Variants in NTM observed in about 807,000 individuals in gnomAD.
NTM encodes the protein neurotrimin, also known as IgLON family member 2.
NTM carries 13 observed loss-of-function variants against 42.1 expected under a neutral mutation model. That is an observed-to-expected ratio of 0.31 (90% CI 0.20 to 0.49). The LOEUF is 0.49. NTM is among the 20% of genes least tolerant of loss of function. The probability of loss-of-function intolerance (pLI) is 0.99; values close to 1 mark genes in which losing one functional copy is unlikely to be tolerated. For synonymous variants in NTM, 187 were observed against 179.2 expected (o/e 1.04, Z -0.35); for missense variants, 373 against 452.8 (o/e 0.82, Z 1.60).
chr11:132,066,003 G>A (rs2056424556), intron 2 of NTM, among the ~76,000 whole-genome samples: 1 of 152,112 alleles, frequency 6.6e-6, no homozygotes, highest in Admixed American at 6.6e-5. Flanking sequence ...GGGTTGTGGG[G>A]AGTGTAGACT....
chr11:132,285,392 C>A (rs1011667303), intron 4 of NTM, among the ~76,000 whole-genome samples: 4 of 152,136 alleles, frequency 2.6e-5, no homozygotes, highest in Non-Finnish European at 5.9e-5. Context: ...TCATGCACAT[C>A]TTGAAGAAGG....
At chr11:131,427,962 C>A (rs1376911345) in intron 1 of NTM, among the ~76,000 whole-genome samples, 1 of 152,114 alleles carries the variant, frequency 6.6e-6, no homozygotes, top group Non-Finnish European at 1.5e-5. Context: ...TTTTACATGT[C>A]GACATACCAT....
At chr11:131,645,805 C>T (rs2134275327) in intron 1 of NTM, among the ~76,000 whole-genome samples, 1 of 152,238 alleles carries the variant, frequency 6.6e-6, no homozygotes, top group African/African-American at 2.4e-5. Context: ...GGTCTGTGGA[C>T]ATGGGGTTAT....
In NTM at chr11:132,107,543, T is replaced by A. The variant is rs182753787; in HGVS notation, c.168-38739T>A. 4.4e-3 allele frequency among the ~76,000 whole-genome samples: 519 copies of A among 116,742 alleles called. 2 individuals are homozygous for A. The highest frequency in any genetic ancestry group is 0.011 in the African/African-American group (407 of 37,424). The allele number at this position is 116,742 out of a possible 152,430, so 76.6% of individuals were successfully genotyped here. On this transcript the variant is annotated intron_variant, in intron 2 of 8. Transcript: ENST00000683400. ...TTTTTTTTTCCTTTATTTAAAAAAA[T>A]TTTTTTTGTAAAGACAGTGTTTCAC...
chr11:131,741,197 G>GAGAGAGAT (rs1339541451), intron 1 of NTM, among the ~76,000 whole-genome samples: 6 of 130,820 alleles, frequency 4.6e-5, no homozygotes, highest in Non-Finnish European at 1.0e-4. Context: ...GAGAGAGAGA[G>GAGAGAGAT]AGAGAGAGAG....
chr11:131,960,497 A>G (rs963096137), intron 2 of NTM, among the ~76,000 whole-genome samples: 1 of 151,812 alleles, frequency 6.6e-6, no homozygotes, highest in Non-Finnish European at 1.5e-5. Flanking sequence ...AGATGTTGAC[A>G]TATGTTTTGT....
chr11:132,116,418 C>G (rs1383484857), intron 2 of NTM, among the ~76,000 whole-genome samples: 1 of 152,138 alleles, frequency 6.6e-6, no homozygotes, highest in African/African-American at 2.4e-5. Flanking sequence ...AGTGCTGAAG[C>G]CAGAGGGAGA....
intron 4 of NTM, chr11:132,306,495 T>C (rs1017353753): frequency 5.3e-5 from 8 of 152,156 alleles, no homozygotes; most frequent in African/African-American, 1.9e-4. Context: ...AGTTTTGGAG[T>C]GCTTTCGTGC....
intron 3 of NTM, among the ~76,000 whole-genome samples, chr11:132,202,685 T>C (rs1449181151): frequency 2.0e-5 from 3 of 152,152 alleles, no homozygotes; most frequent in Non-Finnish European, 4.4e-5. Context: ...AGGCATGGAA[T>C]AAGGAAAGAA....
intron 2 of NTM, among the ~76,000 whole-genome samples, chr11:131,962,918 C>A (rs1593219002): frequency 6.6e-6 from 1 of 152,130 alleles, no homozygotes; most frequent in Non-Finnish European, 1.5e-5. Context: ...ATTAATAGGT[C>A]GGATAGTGAA....
At chr11:131,580,660 T>C (rs2137174556) in intron 1 of NTM, among the ~76,000 whole-genome samples, 1 of 152,308 alleles carries the variant, frequency 6.6e-6, no homozygotes, top group South Asian at 2.1e-4. Context: ...ATAATTGAAC[T>C]GACCTTTCTG....
chr11:132,062,227 G>C (rs2080800301), intron 2 of NTM, among the ~76,000 whole-genome samples: 1 of 152,178 alleles, frequency 6.6e-6, no homozygotes, highest in Non-Finnish European at 1.5e-5. Context: ...GCTGAGTATG[G>C]AAGAGGAGTG....
chr11:131,958,790 G>A (rs1326386263), intron 2 of NTM, among the ~76,000 whole-genome samples: 1 of 152,152 alleles, frequency 6.6e-6, no homozygotes, highest in Non-Finnish European at 1.5e-5. Context: ...CTACTCTCGC[G>A]AGTTCTTGCC....
chr11:131,399,917 A>G (rs1040779394), intron 1 of NTM, among the ~76,000 whole-genome samples: 1 of 152,092 alleles, frequency 6.6e-6, no homozygotes, highest in African/African-American at 2.4e-5. Flanking sequence ...AACTATGCAC[A>G]GATCATGATT....
intron 1 of NTM, among the ~76,000 whole-genome samples, chr11:131,900,359 A>G (rs1565698510): frequency 6.6e-6 from 1 of 152,238 alleles, no homozygotes; most frequent in Admixed American, 6.5e-5. Context: ...GGGCTCAGAA[A>G]CCACAGGAAG....
At chr11:131,863,086 A>C (rs1310532295) in intron 1 of NTM, among the ~76,000 whole-genome samples, 1 of 152,190 alleles carries the variant, frequency 6.6e-6, no homozygotes, top group Admixed American at 6.5e-5. Context: ...GACTTCCTCC[A>C]TTTGCAAAAT....
intron 2 of NTM, among the ~76,000 whole-genome samples, chr11:131,985,812 C>T (rs2065974388): frequency 6.6e-6 from 1 of 152,102 alleles, no homozygotes; most frequent in Non-Finnish European, 1.5e-5. Flanking sequence ...TTTTGGTGAG[C>T]AGCAACCAAT....
At chr11:131,585,888 C>T (rs2058815818) in intron 1 of NTM, among the ~76,000 whole-genome samples, 1 of 152,162 alleles carries the variant, frequency 6.6e-6, no homozygotes, top group Non-Finnish European at 1.5e-5. Context: ...CTTTCTTCTC[C>T]CTGCCCACGC....
intron 2 of NTM, among the ~76,000 whole-genome samples, chr11:132,088,830 C>T (rs187701475): frequency 6.6e-6 from 1 of 152,294 alleles, no homozygotes; most frequent in Non-Finnish European, 1.5e-5. Context: ...TGGCTGTCTC[C>T]TGCCTCTATC....
Sources: gnomAD v4.1 joint callset for allele counts (sites outside exome capture counted in the v4.1 genomes callset) on GRCh38, gnomAD v4.1.1 for gene constraint, MANE v1.5 for transcripts, NCBI Gene and HGNC (gene_info 2026-07-23, HGNC 2026-07-21) for gene names.